Variants in PLXNA4 observed in about 807,000 individuals in gnomAD.
PLXNA4 encodes the protein plexin A4, also known as plexin-A4.
A neutral mutation model predicts 191.8 loss-of-function variants in PLXNA4; 44 were observed. The ratio of observed to expected loss-of-function variants is 0.23; its 90% confidence interval spans 0.18 to 0.29. PLXNA4 has a LOEUF of 0.29. Among genes scored for constraint, PLXNA4 ranks in the 10% least tolerant of loss-of-function variants. The pLI is 1.00. For missense variants in PLXNA4, 1,800 were observed against 2,488.8 expected (o/e 0.72, Z 5.89); for synonymous variants, 1,082 against 1,009.5 (o/e 1.07, Z -1.36).
intron 2 of PLXNA4, among the ~76,000 whole-genome samples, chr7:132,587,416 T>C (rs1802522402): frequency 6.6e-6 from 1 of 152,166 alleles, no homozygotes; most frequent in Non-Finnish European, 1.5e-5. Flanking sequence ...AAAAAATAAA[T>C]TGTCTTGAGT....
chr7:132,389,569 G>C (rs1054587905), intron 3 of PLXNA4, among the ~76,000 whole-genome samples: 1 of 152,212 alleles, frequency 6.6e-6, no homozygotes, highest in Non-Finnish European at 1.5e-5. Flanking sequence ...TCAAAGATCA[G>C]ATGGTTGTAG....
chr7:132,357,245 G>T (rs1803746561), intron 3 of PLXNA4, among the ~76,000 whole-genome samples: 1 of 152,150 alleles, frequency 6.6e-6, no homozygotes, highest in Non-Finnish European at 1.5e-5. Context: ...TAAACAGAGG[G>T]GAGGCTGGAG....
At chr7:132,235,360 C>A (rs2117013836) in intron 5 of PLXNA4, among the ~76,000 whole-genome samples, 1 of 152,376 alleles carries the variant, frequency 6.6e-6, no homozygotes, top group Non-Finnish European at 1.5e-5. Context: ...TGTTCTTAGA[C>A]AGGTCCTCAG....
intron 3 of PLXNA4, among the ~76,000 whole-genome samples, chr7:132,318,956 C>T (rs1460109271): frequency 2.0e-5 from 3 of 152,144 alleles, no homozygotes; most frequent in Non-Finnish European, 4.4e-5. Flanking sequence ...CGGGTGACTC[C>T]AGTCCTGTGA....
intron 3 of PLXNA4, among the ~76,000 whole-genome samples, chr7:132,412,881 A>C (rs1402472423): frequency 6.6e-6 from 1 of 152,140 alleles, no homozygotes; most frequent in Non-Finnish European, 1.5e-5. Context: ...ACGCTGGCCA[A>C]GCTTTGGAGG....
rs369716462 is a variant in PLXNA4, at chr7:132,148,570, C to T, written c.4737G>A (p.Lys1579=). ...DITTKIENDW[K]RLNTLAHYQV... ...GGTAGTGGGCCAGTGTGTTCAGTCG[C>T]TTCCAATCATTCTCAATCTTGGTGG... The change falls in exon 26 of 32, where the codon AAG becomes AAA. Residue 1579 remains lysine (K), a synonymous_variant. Transcript: ENST00000321063. 3.2e-5 allele frequency: 51 copies of T among 1,614,056 alleles called. No individual in the cohort carries two copies. The African/African-American group carries it at 6.4e-4, about 20-fold the overall frequency.
At chr7:132,531,113 T>C (rs1015027298) in intron 1 of PLXNA4, among the ~76,000 whole-genome samples, 4 of 152,148 alleles carry the variant, frequency 2.6e-5, no homozygotes, top group African/African-American at 9.7e-5. Context: ...AGAGTTTCAG[T>C]TGGGGAAGAT....
At chr7:132,227,378 A>G in intron 7 of PLXNA4, 73 bp downstream of exon 7, 2 of 1,589,244 alleles carry the variant, frequency 1.3e-6, no homozygotes, top group East Asian at 4.6e-5. Flanking sequence ...TGATCCCCCC[A>G]CATCTGTCCT....
intron 3 of PLXNA4, among the ~76,000 whole-genome samples, chr7:132,396,984 C>A (rs1466345497): frequency 1.3e-5 from 2 of 152,194 alleles, no homozygotes; most frequent in Non-Finnish European, 2.9e-5. Flanking sequence ...GAAATCCTGC[C>A]CCAAGATCCA....
At chr7:132,542,856 G>T (rs1221185155) in intron 1 of PLXNA4, among the ~76,000 whole-genome samples, 1 of 152,062 alleles carries the variant, frequency 6.6e-6, no homozygotes. Flanking sequence ...AATCTACTAT[G>T]TCATTTTTAT....
Position 132,513,278 on chromosome 7 carries a change from A to T in PLXNA4, c.-86-4499T>A, listed in dbSNP as rs1038135144. ...TATAGAGTCGTTTAAAATAGCAATTACCCTGTGAAATTACTTTAGAGTTTA... is the reference window on the plus strand; with the variant it reads ...TATAGAGTCGTTTAAAATAGCAATTTCCCTGTGAAATTACTTTAGAGTTTA... On this transcript the variant is annotated intron_variant, in intron 1 of 31. Coordinates refer to ENST00000321063, the MANE Select transcript of PLXNA4 (RefSeq NM_020911.2). 2.6e-5 allele frequency among the ~76,000 whole-genome samples: 4 copies of T among 152,118 alleles called. 1 individual carries two copies. Among genetic ancestry groups the T allele is most frequent in the Admixed American group, 2.6e-4 (4 of 15,274 alleles).
chr7:132,240,476 T>C (rs1209345809), intron 5 of PLXNA4, among the ~76,000 whole-genome samples: 1 of 152,244 alleles, frequency 6.6e-6, no homozygotes, highest in Non-Finnish European at 1.5e-5. Flanking sequence ...ATTGGCCCAG[T>C]GACTCCAGCC....
intron 3 of PLXNA4, among the ~76,000 whole-genome samples, chr7:132,391,877 A>G (rs1793505332): frequency 6.6e-6 from 1 of 152,184 alleles, no homozygotes; most frequent in Non-Finnish European, 1.5e-5. Flanking sequence ...TTGTAATCCC[A>G]GCACTTTGGG....
At chr7:132,455,519 C>T (rs983983680) in intron 3 of PLXNA4, among the ~76,000 whole-genome samples, 8 of 152,144 alleles carry the variant, frequency 5.3e-5, no homozygotes, top group Admixed American at 5.2e-4. Flanking sequence ...CTCACTCACA[C>T]ATATGCCTGC....
At chr7:132,606,001 T>A (rs2116846506) in intron 2 of PLXNA4, among the ~76,000 whole-genome samples, 1 of 152,202 alleles carries the variant, frequency 6.6e-6, no homozygotes, top group South Asian at 2.1e-4. Flanking sequence ...CCGCCTCTAC[T>A]AAAAATACAA....
Position 132,130,295 on chromosome 7 carries a change from C to T in PLXNA4, c.*184G>A, listed in dbSNP as rs984279758. On this transcript the variant is annotated 3_prime_UTR_variant, in exon 32 of 32. Coordinates refer to ENST00000321063, the MANE Select transcript of PLXNA4 (RefSeq NM_020911.2). ...TGGTCCAATCGTGTTGGCAGAGCAA[C>T]TGGAAGAGAAGAGATCCAGGAAGGA... 4.0e-5 allele frequency: 33 copies of T among 832,384 alleles called. No homozygotes were observed. In the South Asian group the frequency reaches 4.8e-4, roughly 12 times the overall value. The allele number at this position is 832,384 out of a possible 1,614,324, so 51.6% of individuals were successfully genotyped here.
intron 4 of PLXNA4, among the ~76,000 whole-genome samples, chr7:132,286,807 A>G (rs1047455383): frequency 6.6e-6 from 1 of 152,182 alleles, no homozygotes; most frequent in African/African-American, 2.4e-5. Context: ...ATCCAGAGAC[A>G]ACATAGCTCT....
At chr7:132,290,908 C>A (rs751398792) in intron 4 of PLXNA4, among the ~76,000 whole-genome samples, 1 of 152,228 alleles carries the variant, frequency 6.6e-6, no homozygotes, top group South Asian at 2.1e-4. Flanking sequence ...TACAGAACTA[C>A]GTAATTTGCA....
chr7:132,403,524 T>C (rs563309141), intron 3 of PLXNA4, among the ~76,000 whole-genome samples: 30 of 152,252 alleles, frequency 2.0e-4, no homozygotes, highest in African/African-American at 7.0e-4. Context: ...GCACAAAACA[T>C]AAATCATCTC....
Sources: gnomAD v4.1 joint callset for allele counts (sites outside exome capture counted in the v4.1 genomes callset) on GRCh38, gnomAD v4.1.1 for gene constraint, MANE v1.5 for transcripts, NCBI Gene and HGNC (gene_info 2026-07-23, HGNC 2026-07-21) for gene names.